CCDC171: variants seen among roughly 807,000 people sequenced by gnomAD.
The protein encoded by CCDC171 is coiled-coil domain-containing protein 171.
A neutral mutation model predicts 168.2 loss-of-function variants in CCDC171; 177 were observed. The ratio of observed to expected loss-of-function variants is 1.05; its 90% CI spans 0.93 to 1.19. CCDC171 has a LOEUF of 1.19. Among genes scored for constraint, CCDC171 ranks in the 50% most tolerant of loss-of-function variants. The pLI, the probability that CCDC171 is intolerant of heterozygous loss-of-function variation, is 0.00. For missense variants in CCDC171, 1,991 were observed against 1,539.0 expected (o/e 1.29, Z -4.91); for synonymous variants, 687 against 540.8 (o/e 1.27, Z -3.75).
At chr9:15,845,564 G>A (rs1402740354) in intron 21 of CCDC171, 1 of 151,802 alleles carries the variant, frequency 6.6e-6, no homozygotes, top group Non-Finnish European at 1.5e-5. Flanking sequence ...ACTACCCATT[G>A]TGAATGCACT....
intron 7 of CCDC171, among the ~76,000 whole-genome samples, chr9:15,629,581 G>A (rs1166466231): frequency 2.6e-5 from 4 of 152,154 alleles, no homozygotes; most frequent in African/African-American, 7.2e-5. Flanking sequence ...GGGGAGAATG[G>A]AACCAAGTTG....
chr9:15,665,571 A>G (rs1162755431), intron 8 of CCDC171, among the ~76,000 whole-genome samples: 1 of 152,160 alleles, frequency 6.6e-6, no homozygotes, highest in East Asian at 1.9e-4. Flanking sequence ...ACTTGAAGCT[A>G]ACAGTTTAAG....
chr9:15,995,066 C>A (rs530331289), intron 3 of CCDC171, among the ~76,000 whole-genome samples: 1 of 152,314 alleles, frequency 6.6e-6, no homozygotes, highest in East Asian at 1.9e-4. Flanking sequence ...TATATGGCAT[C>A]CTTCATGCTA....
intron 4 of CCDC171, among the ~76,000 whole-genome samples, chr9:15,590,001 T>C (rs1376664847): frequency 6.6e-6 from 1 of 152,154 alleles, no homozygotes; most frequent in African/African-American, 2.4e-5. Context: ...ATATTTACCG[T>C]TATGGAAAGA....
intron 21 of CCDC171, among the ~76,000 whole-genome samples, chr9:15,795,336 T>A (rs758126007): frequency 2.0e-5 from 3 of 152,198 alleles, no homozygotes; most frequent in Non-Finnish European, 2.9e-5. Flanking sequence ...GATGACCTAA[T>A]CACCTCTTAA....
At chr9:15,669,749 G>T (rs2048975638) in intron 9 of CCDC171, among the ~76,000 whole-genome samples, 1 of 152,054 alleles carries the variant, frequency 6.6e-6, no homozygotes, top group Admixed American at 6.6e-5. Flanking sequence ...AATATATCAT[G>T]CTGAATGGAC....
chr9:15,774,459 G>A (rs2057195726), intron 18 of CCDC171, among the ~76,000 whole-genome samples: 1 of 151,928 alleles, frequency 6.6e-6, no homozygotes, highest in Non-Finnish European at 1.5e-5. Flanking sequence ...AAAAATCATA[G>A]ATGTTGGCAT....
At chr9:15,641,498 G>T (rs1219742576) in intron 7 of CCDC171, among the ~76,000 whole-genome samples, 1 of 152,116 alleles carries the variant, frequency 6.6e-6, no homozygotes, top group Admixed American at 6.5e-5. Context: ...TTTGGAAGAG[G>T]CCCATGGAAA....
intron 18 of CCDC171, among the ~76,000 whole-genome samples, chr9:15,747,987 A>G (rs1399710463): frequency 6.6e-6 from 1 of 151,792 alleles, no homozygotes; most frequent in Non-Finnish European, 1.5e-5. Context: ...ACTGCAAGGA[A>G]GCTAAAAACC....
intron 11 of CCDC171, among the ~76,000 whole-genome samples, chr9:15,718,122 C>T (rs1368307389): frequency 1.3e-5 from 2 of 152,118 alleles, no homozygotes; most frequent in Non-Finnish European, 2.9e-5. Context: ...AGGATGATTC[C>T]CAGACCTGGC....
At chr9:15,713,419 G>A (rs1275876910) in intron 11 of CCDC171, among the ~76,000 whole-genome samples, 1 of 152,070 alleles carries the variant, frequency 6.6e-6, no homozygotes, top group African/African-American at 2.4e-5. Context: ...GGGCCCATGG[G>A]AATCTGGACT....
At chr9:15,996,110 G>C (rs557676607) in intron 3 of CCDC171, among the ~76,000 whole-genome samples, 40 of 152,256 alleles carry the variant, frequency 2.6e-4, no homozygotes, top group African/African-American at 9.1e-4. Context: ...TGTGCTATAG[G>C]TAAACATAAA....
At chr9:15,593,301 C>G (rs1192916254) in intron 5 of CCDC171, among the ~76,000 whole-genome samples, 2 of 151,910 alleles carry the variant, frequency 1.3e-5, no homozygotes, top group Non-Finnish European at 2.9e-5. Context: ...AATTTTAAAC[C>G]CTATAGTTAG....
intron 24 of CCDC171, among the ~76,000 whole-genome samples, chr9:15,913,780 G>A (rs371348592): frequency 2.0e-5 from 3 of 152,126 alleles, no homozygotes; most frequent in Non-Finnish European, 4.4e-5. Context: ...TAGTGGATTT[G>A]TCTACCTTTT....
chr9:16,068,774 G>GTACGATGTATTCTGCCAGA, the CCDC171 span, among the ~76,000 whole-genome samples: 1 of 151,746 alleles, frequency 6.6e-6, no homozygotes. Context: ...ATTCTGCCAG[G>GTACGATGTATTCTGCCAGA]ATACGATGTA....
At chr9:16,023,818 T>C (rs554056424) in intron 6 of CCDC171, among the ~76,000 whole-genome samples, 2 of 152,114 alleles carry the variant, frequency 1.3e-5, no homozygotes, top group Admixed American at 6.5e-5. Flanking sequence ...ATATGTCTAT[T>C]TCAGACAGAA....
chr9:15,613,790 G>C (rs913329252), intron 6 of CCDC171, among the ~76,000 whole-genome samples: 2 of 151,848 alleles, frequency 1.3e-5, no homozygotes, highest in Admixed American at 6.6e-5. Flanking sequence ...CCCAAAGTGC[G>C]GGGATTACAG....
At chr9:15,718,663 G>A (rs2053250373) in intron 11 of CCDC171, among the ~76,000 whole-genome samples, 1 of 152,208 alleles carries the variant, frequency 6.6e-6, no homozygotes, top group Non-Finnish European at 1.5e-5. Flanking sequence ...AAGGCAACAA[G>A]AGTCTCTATG....
intron 6 of CCDC171, among the ~76,000 whole-genome samples, chr9:15,603,678 C>G (rs2891001): frequency 0.064 from 9,754 of 151,428 alleles, 426 homozygotes; most frequent in African/African-American, 0.12. Context: ...TTGATTCCAT[C>G]TCTTTGCTAT....
Sources: allele counts gnomAD v4.1 joint callset (sites outside exome capture counted in the v4.1 genomes callset), GRCh38; gene constraint gnomAD v4.1.1; transcripts MANE v1.5; gene names NCBI Gene and HGNC (gene_info 2026-07-23, HGNC 2026-07-21).